FAR2: variants seen among roughly 807,000 people sequenced by gnomAD.
FAR2 encodes fatty acyl-CoA reductase 2.
In FAR2, 19 loss-of-function variants were observed where a neutral mutation model predicts 56.0. The observed-to-expected ratio is 0.34, with a 90% CI of 0.24 to 0.50. The LOEUF is 0.50. Ranked by LOEUF, FAR2 falls within the 20% of genes least tolerant of loss-of-function variation. The pLI, the probability that FAR2 is intolerant of heterozygous loss-of-function variation, is 0.98. For synonymous variants in FAR2, 219 were observed against 218.8 expected (o/e 1.00, Z -0.01); for missense variants, 508 against 642.2 (o/e 0.79, Z 2.26).
At chr12:29,253,746 A>C (rs1274916659) in intron 1 of FAR2, among the ~76,000 whole-genome samples, 1 of 152,192 alleles carries the variant, frequency 6.6e-6, no homozygotes, top group Non-Finnish European at 1.5e-5. Flanking sequence ...TCATAGGCTA[A>C]TGCTGTTTGA....
chr12:29,310,899 G>A, intron 6 of FAR2, 129 bp from the exon 7 acceptor site: 1 of 706,886 alleles, frequency 1.4e-6, no homozygotes, highest in Non-Finnish European at 2.5e-6. Flanking sequence ...ATAAGAACCT[G>A]GTAAGCAGTG....
At chr12:29,226,029 C>T (rs9919747) in intron 1 of FAR2, among the ~76,000 whole-genome samples, 1 of 152,008 alleles carries the variant, frequency 6.6e-6, no homozygotes, top group Admixed American at 6.6e-5. Context: ...CAATCAGACT[C>T]GTACAAATTA....
chr12:29,269,945 ACAC>A (rs1948586341), intron 1 of FAR2, among the ~76,000 whole-genome samples: 1 of 152,158 alleles, frequency 6.6e-6, no homozygotes, highest in African/African-American at 2.4e-5. Flanking sequence ...ACGCTGTGCC[ACAC>A]CACTGCACCT....
At chr12:29,244,016 GAA>G (rs1948084608) in intron 1 of FAR2, among the ~76,000 whole-genome samples, 1 of 152,114 alleles carries the variant, frequency 6.6e-6, no homozygotes, top group African/African-American at 2.4e-5. Context: ...ATGAATGAAT[GAA>G]TGAATGAATG....
intron 1 of FAR2, among the ~76,000 whole-genome samples, chr12:29,196,391 ACCT>A (rs1950143917): frequency 1.3e-5 from 2 of 152,040 alleles, no homozygotes; most frequent in African/African-American, 4.8e-5. Flanking sequence ...TCTGACTGGC[ACCT>A]GGTGATGTCT....
At chr12:29,220,809 C>G (rs1165795906) in intron 1 of FAR2, among the ~76,000 whole-genome samples, 1 of 152,016 alleles carries the variant, frequency 6.6e-6, no homozygotes, top group African/African-American at 2.4e-5. Context: ...ATTTAAAAAG[C>G]TTTAGAACAG....
intron 1 of FAR2, chr12:29,156,680 G>A (rs1352433904): frequency 6.6e-6 from 1 of 152,040 alleles, no homozygotes; most frequent in Non-Finnish European, 1.5e-5. Context: ...TATATGAATA[G>A]TGGTAGTTTA....
intron 2 of FAR2, among the ~76,000 whole-genome samples, chr12:29,290,638 G>T (rs1343755977): frequency 2.0e-5 from 3 of 152,096 alleles, no homozygotes; most frequent in African/African-American, 7.2e-5. Context: ...AGAAAATGTG[G>T]TACATATACA....
At chr12:29,333,154 C>T (rs745947392) in intron 11 of FAR2, 6 of 330,398 alleles carry the variant, frequency 1.8e-5, no homozygotes, top group Non-Finnish European at 3.5e-5. Context: ...TTCTTTCAGT[C>T]GTAATCCCTG....
chr12:29,244,247 A>G (rs993567039), intron 1 of FAR2, among the ~76,000 whole-genome samples: 1 of 152,250 alleles, frequency 6.6e-6, no homozygotes, highest in African/African-American at 2.4e-5. Context: ...TGAATTCAGG[A>G]AAGAATGTGC....
At chr12:29,308,730 A>ATATATATATATATG (rs1949298676) in intron 5 of FAR2, among the ~76,000 whole-genome samples, 1 of 149,968 alleles carries the variant, frequency 6.7e-6, no homozygotes, top group African/African-American at 2.5e-5. Context: ...ATATATATAT[A>ATATATATATATATG]TATGTATATA....
rs142551425 is a variant in FAR2, at chr12:29,308,550, T to C, written c.724-636T>C. Among the ~76,000 whole-genome samples the C allele has an allele frequency of 5.0e-4, 72 of 145,098 alleles. No individual in the cohort carries two copies. In the East Asian group the frequency reaches 0.013, roughly 26 times the overall value. On this transcript the variant is annotated intron_variant, in intron 5 of 11. Coordinates refer to ENST00000536681, the MANE Select transcript of FAR2 (RefSeq NM_001271783.2). ...ACTCACACATTTGACTTTTATACTG[T>C]AACGTAAAGAGACATAATAAGGTCA...
At chr12:29,235,687 C>A (rs138534763) in intron 1 of FAR2, among the ~76,000 whole-genome samples, 2 of 152,142 alleles carry the variant, frequency 1.3e-5, no homozygotes, top group African/African-American at 4.8e-5. Flanking sequence ...GTAGTCAGTT[C>A]CACCAGCATT....
intron 1 of FAR2, among the ~76,000 whole-genome samples, chr12:29,222,398 T>G (rs1947706377): frequency 6.6e-6 from 1 of 152,138 alleles, no homozygotes; most frequent in Non-Finnish European, 1.5e-5. Flanking sequence ...GTCAAGACTA[T>G]TGCACTAGGG....
intron 1 of FAR2, among the ~76,000 whole-genome samples, chr12:29,258,214 G>A (rs1948359809): frequency 6.6e-6 from 1 of 151,804 alleles, no homozygotes; most frequent in Admixed American, 6.6e-5. Flanking sequence ...AATTAGCCAG[G>A]CGTAGTGGCA....
At chr12:29,277,947 T>TG (rs1260056161) in intron 2 of FAR2, 1 of 148,600 alleles carries the variant, frequency 6.7e-6, no homozygotes, top group Non-Finnish European at 1.5e-5. Flanking sequence ...TTTTTTTTTT[T>TG]TTTTTGAGAT....
At chr12:29,265,530 A>G (rs1199309343) in intron 1 of FAR2, among the ~76,000 whole-genome samples, 1 of 152,186 alleles carries the variant, frequency 6.6e-6, no homozygotes, top group African/African-American at 2.4e-5. Context: ...ATCAAAACAA[A>G]TTGGATTAAA....
At position 29,333,947 on chromosome 12, in the gene FAR2, T is replaced by G; in HGVS notation, c.*153T>G. On this transcript the variant is annotated 3_prime_UTR_variant, in exon 12 of 12. Transcript: ENST00000536681. The stretch of plus-strand genomic sequence containing the variant: ...GTCCCTATTCCTTAACTATGTATTT[T>G]TATTTCAGTGAGAGAAGGAAAGTTG... 3.2e-6 allele frequency: 2 copies of G among 632,330 alleles called. No individual in the cohort carries two copies. Among genetic ancestry groups the G allele is most frequent in the African/African-American group, 3.7e-5 (2 of 53,876 alleles). The allele number at this position is 632,330 out of a possible 1,614,324, so 39.2% of individuals were successfully genotyped here. A position where few individuals can be genotyped will look rare whatever the true frequency, so the allele number is the denominator to read the frequency against.
intron 4 of FAR2, among the ~76,000 whole-genome samples, chr12:29,304,353 A>AT: frequency 6.6e-6 from 1 of 152,226 alleles, no homozygotes; most frequent in East Asian, 1.9e-4. Flanking sequence ...AGACACAGTG[A>AT]TAAAAATCAT....
Sources: allele counts gnomAD v4.1 joint callset (sites outside exome capture counted in the v4.1 genomes callset), GRCh38; gene constraint gnomAD v4.1.1; transcripts MANE v1.5; gene names NCBI Gene and HGNC (gene_info 2026-07-23, HGNC 2026-07-21).